HDGFL2: variants seen among roughly 807,000 people sequenced by gnomAD.
The protein encoded by HDGFL2 is HDGF like 2, also known as hepatoma-derived growth factor-related protein 2.
Under a neutral mutation model 77.1 loss-of-function variants are expected in HDGFL2, and 36 were observed. That is an observed-to-expected ratio of 0.47 (90% confidence interval 0.36 to 0.62). The LOEUF (loss-of-function observed/expected upper bound fraction) is 0.62, where lower values mean the gene tolerates loss of function less well. Ranked by LOEUF, HDGFL2 falls within the 20% of genes least tolerant of loss-of-function variation. The probability of loss-of-function intolerance (pLI) is 0.00; values close to 1 mark genes in which losing one functional copy is unlikely to be tolerated. For missense variants in HDGFL2, 976 were observed against 973.4 expected (o/e 1.00, Z -0.04); for synonymous variants, 463 against 413.1 (o/e 1.12, Z -1.46).
At chr19:4,480,006 T>C (rs1281248776) in intron 3 of HDGFL2, among the ~76,000 whole-genome samples, 1 of 121,646 alleles carries the variant, frequency 8.2e-6, no homozygotes, top group Non-Finnish European at 1.7e-5. Flanking sequence ...ATCAGTACCT[T>C]ATAAGAGAGT....
chr19:4,494,314 G>C lies in HDGFL2; in HGVS notation c.1063G>C (p.Glu355Gln). ...GAAGGAGGAGAAGGAGCGGAGGCGC[G>C]AGCGGGCCGACCGCGGGGAGGCTGA... is the stretch of plus-strand genomic sequence containing the variant. ...QEKEEKERRR[E>Q]RADRGEAERG... Residue 355 changes from glutamate to glutamine, a missense_variant, in exon 9 of 16, where the codon GAG (glutamate) becomes CAG (glutamine). By Grantham distance (29) the Glu-to-Gln change is conservative. This residue lies in a region of HDGFL2 where 567 missense variants were observed against 534.7 expected (regional missense o/e 1.06). Transcript: ENST00000616600. 1.4e-6 allele frequency: 2 copies of C among 1,427,794 alleles called. No individual in the cohort carries two copies. The highest frequency in any genetic ancestry group is 1.8e-6 in the Non-Finnish European group (2 of 1,094,306). 88.4% of individuals were successfully genotyped at this position (1,427,794 alleles called of 1,614,324 possible).
At chr19:4,472,819 G>A (rs936291297) in intron 1 of HDGFL2, among the ~76,000 whole-genome samples, 5 of 150,388 alleles carry the variant, frequency 3.3e-5, no homozygotes, top group Non-Finnish European at 5.9e-5. Context: ...CCCTCCCGGG[G>A]TCTGGGGGTC....
intron 3 of HDGFL2, among the ~76,000 whole-genome samples, chr19:4,480,408 C>A (rs1975183644): frequency 6.6e-6 from 1 of 152,076 alleles, no homozygotes. Flanking sequence ...GATGGGAGTC[C>A]CGGGGAATAA....
At chr19:4,472,722 T>G (rs1471320868) in intron 1 of HDGFL2, among the ~76,000 whole-genome samples, 1 of 147,810 alleles carries the variant, frequency 6.8e-6, no homozygotes, top group Non-Finnish European at 1.5e-5. Context: ...CCTCGGGGCC[T>G]GGGGGTCCTG....
intron 3 of HDGFL2, among the ~76,000 whole-genome samples, 164 bp downstream of exon 3, chr19:4,475,747 C>T: frequency 6.6e-6 from 1 of 152,168 alleles, no homozygotes; most frequent in East Asian, 1.9e-4. Flanking sequence ...CCCTGGCCTC[C>T]ACCTACTCAG....
At chr19:4,476,136 C>T (rs1172789908) in intron 3 of HDGFL2, among the ~76,000 whole-genome samples, 4 of 150,988 alleles carry the variant, frequency 2.6e-5, no homozygotes, top group Non-Finnish European at 4.4e-5. Context: ...GTGATCCACC[C>T]GCCTCAGCCT....
At chr19:4,491,967 C>T (rs1199075002) in intron 6 of HDGFL2, 132 bp downstream of exon 6, 22 of 786,142 alleles carry the variant, frequency 2.8e-5, no homozygotes, top group Non-Finnish European at 3.7e-5. Context: ...CCGAGGGGAC[C>T]GCCTCTGCCC....
intron 4 of HDGFL2, among the ~76,000 whole-genome samples, chr19:4,490,306 C>CTCATGTTGGCCAGGCTGGTCTT (rs1975473933): frequency 6.6e-6 from 1 of 152,030 alleles, no homozygotes; most frequent in Non-Finnish European, 1.5e-5. Context: ...AGGCTGGTCT[C>CTCATGTTGGCCAGGCTGGTCTT]GAACTCCTGA....
intron 14 of HDGFL2, 58 bp from the exon 15 acceptor site, chr19:4,501,133 G>T: frequency 6.2e-7 from 1 of 1,607,612 alleles, no homozygotes. Context: ...ACAGGCAAGG[G>T]TTCTGGGGTG....
chr19:4,491,538 C>T (rs1379572737), intron 4 of HDGFL2, 28 bp from the exon 5 acceptor site: 1 of 1,598,916 alleles, frequency 6.3e-7, no homozygotes, highest in Non-Finnish European at 8.6e-7. Flanking sequence ...CTTCCCATCA[C>T]TGAGCATTCA....
intron 3 of HDGFL2, among the ~76,000 whole-genome samples, chr19:4,480,235 G>T (rs1216102271): frequency 6.6e-6 from 1 of 152,148 alleles, no homozygotes; most frequent in Non-Finnish European, 1.5e-5. Flanking sequence ...ACCTGTCCAG[G>T]GTTCTCAAGC....
rs997943931 is a variant in HDGFL2, at chr19:4,502,068, G to T, written c.*58G>T. On this transcript the variant is annotated 3_prime_UTR_variant, in exon 16 of 16. Coordinates refer to ENST00000616600, the MANE Select transcript of HDGFL2 (RefSeq NM_001001520.3). ...GCTCAGGCTGCCCCTCTCCTTCCCC[G>T]GCTCGCAGGAGAGCAGAGCAGAGAA... is the stretch of plus-strand genomic sequence containing the variant. 5 of 1,214,868 alleles carry T rather than the reference G, an allele frequency of 4.1e-6. No individual in the cohort carries two copies. The highest frequency in any genetic ancestry group is 4.7e-6 in the Non-Finnish European group (4 of 853,612). 75.3% of individuals were successfully genotyped at this position (1,214,868 alleles called of 1,614,324 possible).
chr19:4,479,986 G>T lies in HDGFL2; in HGVS notation c.288+4403G>T, dbSNP rs149393243. 3.3e-5 allele frequency among the ~76,000 whole-genome samples: 5 copies of T among 150,930 alleles called. No homozygotes were observed. The East Asian group carries it at 9.7e-4, about 29-fold the overall frequency. The stretch of plus-strand genomic sequence containing the variant: ...TGAAGCCTTGTAGACCCAGGCCACG[G>T]TTTCTCAGCATCAGTACCTTATAAG... On this transcript the variant is annotated intron_variant, in intron 3 of 15. Coordinates refer to ENST00000616600, the MANE Select transcript of HDGFL2 (RefSeq NM_001001520.3).
At chr19:4,489,483 A>G (rs920152457) in intron 4 of HDGFL2, among the ~76,000 whole-genome samples, 1 of 151,496 alleles carries the variant, frequency 6.6e-6, no homozygotes, top group South Asian at 2.1e-4. Flanking sequence ...AGCTCACTGC[A>G]ATCTCCACCT....
intron 10 of HDGFL2, chr19:4,496,869 C>CT (rs34622619): frequency 0.49 from 166,814 of 341,808 alleles, 29,913 homozygotes; most frequent in African/African-American, 0.62. Flanking sequence ...TCCCAGCTCA[C>CT]TTTTTTTTTT....
At chr19:4,490,418 C>T (rs1975476887) in intron 4 of HDGFL2, among the ~76,000 whole-genome samples, 1 of 152,168 alleles carries the variant, frequency 6.6e-6, no homozygotes. Context: ...GGTCAGATTC[C>T]GGTGTGTGGA....
Position 4,501,930 on chromosome 19 carries a change from G to T in HDGFL2, c.1936G>T (p.Asp646Tyr), listed in dbSNP as rs778394624. ...DLHDSVREGP[D>Y]LDRPGSDRQE... is the part of the protein sequence containing the mutation. ...CACCAGCAGCGTACGGGAGGGTCCC[G>T]ACCTGGACAGGCCTGGGAGCGACCG... Residue 646 changes from aspartate to tyrosine, a missense_variant, in exon 16 of 16, where the codon GAC (aspartate) becomes TAC (tyrosine). By Grantham distance (160) the Asp-to-Tyr change is radical. This residue lies in a region of HDGFL2 where 229 missense variants were observed against 187.3 expected (regional missense o/e 1.22). Transcript: ENST00000616600. 4.0e-6 allele frequency: 6 copies of T among 1,483,070 alleles called. No homozygotes were observed. Among genetic ancestry groups the T allele is most frequent in the Admixed American group, 5.6e-5 (2 of 35,940 alleles). The allele number at this position is 1,483,070 out of a possible 1,614,324, so 91.9% of individuals were successfully genotyped here. A position where few individuals can be genotyped will look rare whatever the true frequency, so the allele number is the denominator to read the frequency against.
At chr19:4,482,998 T>A (rs1975259585) in intron 3 of HDGFL2, among the ~76,000 whole-genome samples, 1 of 152,082 alleles carries the variant, frequency 6.6e-6, no homozygotes, top group Admixed American at 6.6e-5. Flanking sequence ...AGCGCTTGTC[T>A]CCTTACCAGG....
intron 3 of HDGFL2, among the ~76,000 whole-genome samples, chr19:4,477,253 G>C (rs1268203946): frequency 6.6e-6 from 1 of 152,164 alleles, no homozygotes; most frequent in Non-Finnish European, 1.5e-5. Context: ...CCAGGAACAG[G>C]GATGAGTCAG....
Sources: gnomAD v4.1 joint callset for allele counts (sites outside exome capture counted in the v4.1 genomes callset) on GRCh38, gnomAD v4.1.1 for gene constraint, gnomAD v4.1.1 regional missense constraint, MANE v1.5 for transcripts, NCBI Gene and HGNC (gene_info 2026-07-23, HGNC 2026-07-21) for gene names.